The following PDE1A variants were observed in gnomAD, a reference collection of about 807,000 sequenced individuals.
PDE1A encodes the protein phosphodiesterase 1A, also known as dual specificity calcium/calmodulin-dependent 3',5'-cyclic nucleotide phosphodiesterase 1A.
In PDE1A, 35 loss-of-function variants were observed where a neutral mutation model predicts 61.7. The observed-to-expected ratio is 0.57, with a 90% CI of 0.43 to 0.75. The LOEUF (loss-of-function observed/expected upper bound fraction) is 0.75. PDE1A is among the 30% of genes least tolerant of loss of function. The probability of loss-of-function intolerance (pLI) is 0.00; values close to 1 mark genes in which losing one functional copy is unlikely to be tolerated. For synonymous variants in PDE1A, 232 were observed against 213.2 expected (o/e 1.09, Z -0.77); for missense variants, 597 against 630.6 (o/e 0.95, Z 0.57).
intron 2 of PDE1A, among the ~76,000 whole-genome samples, chr2:182,473,604 T>G (rs1187328018): frequency 2.0e-5 from 3 of 151,704 alleles, no homozygotes; most frequent in Non-Finnish European, 4.4e-5. Context: ...TTAAGCCTAG[T>G]ATCATTAGTT....
downstream of PDE1A, among the ~76,000 whole-genome samples, chr2:182,165,567 A>G (rs1350870859): frequency 6.9e-6 from 1 of 145,564 alleles, no homozygotes; most frequent in Non-Finnish European, 1.5e-5. Flanking sequence ...ATGAAGGTCA[A>G]TGGGAAACTA....
At chr2:182,271,176 C>A (rs554199963) in intron 1 of PDE1A, among the ~76,000 whole-genome samples, 11 of 138,660 alleles carry the variant, frequency 7.9e-5, no homozygotes, top group Non-Finnish European at 1.1e-4. Context: ...TTTTAGGTAC[C>A]TTTACCACCA....
intron 2 of PDE1A, among the ~76,000 whole-genome samples, chr2:182,493,346 A>G (rs1688512303): frequency 6.6e-6 from 1 of 151,566 alleles, no homozygotes; most frequent in Non-Finnish European, 1.5e-5. Flanking sequence ...GGCTTGTTAC[A>G]TATGTATCCA....
At chr2:182,627,356 A>AAT in the PDE1A span, among the ~76,000 whole-genome samples, 1 of 118,834 alleles carries the variant, frequency 8.4e-6, no homozygotes, top group East Asian at 2.2e-4. Context: ...TATAAAATAT[A>AAT]ATATATATAT....
chr2:182,226,343 G>C (rs1380970610), intron 6 of PDE1A, among the ~76,000 whole-genome samples: 3 of 149,404 alleles, frequency 2.0e-5, no homozygotes, highest in Admixed American at 6.6e-5. Context: ...TTTTTACTTT[G>C]GTTCATTTCT....
intron 2 of PDE1A, among the ~76,000 whole-genome samples, chr2:182,513,101 C>T (rs1689911993): frequency 6.6e-6 from 1 of 151,990 alleles, no homozygotes; most frequent in Admixed American, 6.6e-5. Context: ...ATCAGAAAAC[C>T]CCTGTGAGAT....
chr2:182,617,173 G>A, the PDE1A span, among the ~76,000 whole-genome samples: 1 of 152,138 alleles, frequency 6.6e-6, no homozygotes, highest in African/African-American at 2.4e-5. Context: ...TTGGGGCCTT[G>A]ATATACATGA....
At chr2:182,602,868 G>A in the PDE1A span, among the ~76,000 whole-genome samples, 2 of 152,196 alleles carry the variant, frequency 1.3e-5, no homozygotes, top group African/African-American at 2.4e-5. Flanking sequence ...GATACCAGAA[G>A]AGACACTGGG....
the PDE1A span, among the ~76,000 whole-genome samples, chr2:182,591,053 T>C: frequency 1.3e-5 from 2 of 152,220 alleles, no homozygotes; most frequent in Non-Finnish European, 2.9e-5. Context: ...AGAATGCCAG[T>C]AGTTCCTTAA....
chr2:182,715,755 A>G, the PDE1A span, among the ~76,000 whole-genome samples: 2 of 152,180 alleles, frequency 1.3e-5, no homozygotes, highest in Admixed American at 1.3e-4. Context: ...AAAATTGTAA[A>G]TGTTTTAATT....
chr2:182,677,652 G>A, the PDE1A span, among the ~76,000 whole-genome samples: 4 of 152,128 alleles, frequency 2.6e-5, no homozygotes, highest in African/African-American at 9.7e-5. Context: ...CAGACAGCAT[G>A]GTACTGGTAC....
intron 4 of PDE1A, among the ~76,000 whole-genome samples, chr2:182,233,665 TG>T (rs1477394379): frequency 6.6e-6 from 1 of 152,152 alleles, no homozygotes; most frequent in Non-Finnish European, 1.5e-5. Context: ...AATATGCAGA[TG>T]TTTTAGGAGA....
chr2:182,192,400 C>A (rs1432499979), intron 10 of PDE1A, among the ~76,000 whole-genome samples: 3 of 151,902 alleles, frequency 2.0e-5, no homozygotes, highest in Non-Finnish European at 4.4e-5. Flanking sequence ...ATTATTTACT[C>A]TTTAGGGTGA....
chr2:182,149,465 GT>G (rs1421193690), intron 13 of PDE1A, among the ~76,000 whole-genome samples: 1 of 152,130 alleles, frequency 6.6e-6, no homozygotes, highest in African/African-American at 2.4e-5. Flanking sequence ...CAAGATAAGA[GT>G]TTCGTAGCAC....
At chr2:182,601,276 T>G in the PDE1A span, among the ~76,000 whole-genome samples, 4 of 152,206 alleles carry the variant, frequency 2.6e-5, no homozygotes, top group East Asian at 5.8e-4. Flanking sequence ...CTCCAGGTGC[T>G]GACACAGGTG....
the PDE1A span, among the ~76,000 whole-genome samples, chr2:182,535,593 G>T: frequency 8.5e-5 from 13 of 152,172 alleles, no homozygotes; most frequent in African/African-American, 3.1e-4. Context: ...AGGTAATCCT[G>T]CTGTCAGCTG....
intron 2 of PDE1A, among the ~76,000 whole-genome samples, chr2:182,250,743 A>C (rs958417807): frequency 2.0e-5 from 3 of 152,138 alleles, no homozygotes; most frequent in African/African-American, 7.2e-5. Flanking sequence ...CCAAAAGGCA[A>C]ATCTTGGCGT....
chr2:182,628,286 G>C, the PDE1A span, among the ~76,000 whole-genome samples: 1 of 152,192 alleles, frequency 6.6e-6, no homozygotes, highest in East Asian at 1.9e-4. Context: ...AGGAAAACTA[G>C]AGAGCTTTCT....
intron 1 of PDE1A, among the ~76,000 whole-genome samples, chr2:182,400,508 C>A (rs1385740390): frequency 1.3e-5 from 2 of 152,168 alleles, no homozygotes; most frequent in Admixed American, 1.3e-4. Flanking sequence ...CTCCTTACAT[C>A]TTTACCCAAA....
Sources: gnomAD v4.1 joint callset for allele counts (sites outside exome capture counted in the v4.1 genomes callset) on GRCh38, gnomAD v4.1.1 for gene constraint, MANE v1.5 for transcripts, NCBI Gene and HGNC (gene_info 2026-07-23, HGNC 2026-07-21) for gene names.